The following EYA1 variants were observed in gnomAD, a reference collection of about 807,000 sequenced individuals.
EYA1 encodes the protein EYA transcriptional coactivator and phosphatase 1, also known as protein phosphatase EYA1.
A neutral mutation model predicts 82.0 loss-of-function variants in EYA1; 16 were observed. That is an observed-to-expected ratio of 0.20 (90% CI 0.13 to 0.30). The LOEUF (loss-of-function observed/expected upper bound fraction) is 0.30. Ranked by LOEUF, EYA1 falls within the 10% of genes least tolerant of loss-of-function variation. EYA1 has a pLI of 1.00. For missense variants in EYA1, 633 were observed against 730.7 expected, an observed-to-expected ratio of 0.87 and a Z score of 1.54; for synonymous variants, 261 against 264.4, an observed-to-expected ratio of 0.99 and a Z score of 0.12.
At chr8:71,391,759 C>A (rs756806111) in intron 2 of EYA1, among the ~76,000 whole-genome samples, 8 of 152,300 alleles carry the variant, frequency 5.3e-5, no homozygotes, top group Admixed American at 2.6e-4. Flanking sequence ...AGAGGTTAGT[C>A]TGGGACTTGG....
chr8:71,509,879 T>C (rs1812466539), intron 2 of EYA1, among the ~76,000 whole-genome samples: 1 of 152,034 alleles, frequency 6.6e-6, no homozygotes, highest in Admixed American at 6.6e-5. Context: ...GCCAATACTT[T>C]AAATAGTGCA....
intron 2 of EYA1, among the ~76,000 whole-genome samples, chr8:71,495,758 T>A (rs1811365536): frequency 6.6e-6 from 1 of 152,170 alleles, no homozygotes; most frequent in African/African-American, 2.4e-5. Flanking sequence ...AGTCCACCTC[T>A]CCTCCACCAA....
At chr8:71,547,325 C>T (rs1815711669) in intron 1 of EYA1, among the ~76,000 whole-genome samples, 1 of 152,184 alleles carries the variant, frequency 6.6e-6, no homozygotes, top group Non-Finnish European at 1.5e-5. Context: ...GAGGACCCTC[C>T]CCTCCGTCCC....
chr8:71,458,046 C>T (rs889444515), intron 2 of EYA1, among the ~76,000 whole-genome samples: 27 of 151,812 alleles, frequency 1.8e-4, no homozygotes, highest in Middle Eastern at 3.2e-3. Flanking sequence ...GTAGAGAGAG[C>T]GAATATCTTG....
intron 4 of EYA1, among the ~76,000 whole-genome samples, chr8:71,329,957 T>A (rs1158521729): frequency 1.3e-5 from 2 of 151,890 alleles, no homozygotes; most frequent in African/African-American, 4.8e-5. Context: ...TGGGCCTCGA[T>A]GAGGTGAGAT....
chr8:71,260,269 T>C (rs1395372476), intron 11 of EYA1, among the ~76,000 whole-genome samples: 2 of 152,232 alleles, frequency 1.3e-5, no homozygotes, highest in African/African-American at 4.8e-5. Flanking sequence ...ACTATTTTAA[T>C]GGCTAAGTCA....
chr8:71,213,852 T>C (rs889060614), intron 16 of EYA1, among the ~76,000 whole-genome samples: 9 of 152,312 alleles, frequency 5.9e-5, no homozygotes, highest in Admixed American at 3.3e-4. Context: ...TCAAAATAAA[T>C]GGTAATTTAT....
chr8:71,333,844 A>G (rs1586419705), intron 4 of EYA1, among the ~76,000 whole-genome samples: 1 of 152,216 alleles, frequency 6.6e-6, no homozygotes, highest in East Asian at 1.9e-4. Context: ...AGAAAGGAGA[A>G]GAACAACACC....
chr8:71,335,622 A>G (rs1824394840), intron 3 of EYA1, among the ~76,000 whole-genome samples: 1 of 152,162 alleles, frequency 6.6e-6, no homozygotes, highest in Non-Finnish European at 1.5e-5. Context: ...TTGATGCTAA[A>G]AATTCTGACA....
At chr8:71,229,655 T>C (rs1810964039) in intron 12 of EYA1, among the ~76,000 whole-genome samples, 1 of 152,134 alleles carries the variant, frequency 6.6e-6, no homozygotes, top group African/African-American at 2.4e-5. Flanking sequence ...ATAAATAATT[T>C]TGATTATAAA....
intron 2 of EYA1, among the ~76,000 whole-genome samples, chr8:71,495,346 G>A (rs930173328): frequency 1.3e-5 from 2 of 152,174 alleles, no homozygotes; most frequent in Non-Finnish European, 2.9e-5. Flanking sequence ...GGGCACGATG[G>A]CTCACGCCTG....
intron 3 of EYA1, among the ~76,000 whole-genome samples, chr8:71,343,951 C>G (rs1825433627): frequency 6.6e-6 from 1 of 152,078 alleles, no homozygotes; most frequent in Non-Finnish European, 1.5e-5. Context: ...CAGTGAACAC[C>G]TATAAACCTA....
chr8:71,441,057 A>T (rs766021792), intron 2 of EYA1, among the ~76,000 whole-genome samples: 2 of 152,126 alleles, frequency 1.3e-5, no homozygotes, highest in Non-Finnish European at 2.9e-5. Context: ...ACCCAAGTAT[A>T]TGTGCACAAA....
chr8:71,502,846 T>C lies in EYA1; in HGVS notation c.33+32898A>G, dbSNP rs187755231. ...AAACCATCTGGTTAAATTTATCCAATTGCCATTGTTTAACTGAGTATATCT... is the reference window on the plus strand; with the variant it reads ...AAACCATCTGGTTAAATTTATCCAACTGCCATTGTTTAACTGAGTATATCT... On this transcript the variant is annotated intron_variant, in intron 2 of 18. Transcript: ENST00000643681. Among the ~76,000 whole-genome samples, 98 of 152,306 alleles carry C rather than the reference T, an allele frequency of 6.4e-4. 1 individual carries two copies. Among genetic ancestry groups the C allele is most frequent in the Middle Eastern group, 3.4e-3 (1 of 294 alleles).
At chr8:71,217,064 G>T in intron 12 of EYA1, 41 bp from the exon 13 acceptor site, 2 of 1,489,456 alleles carry the variant, frequency 1.3e-6, no homozygotes, top group Non-Finnish European at 9.4e-7. Flanking sequence ...TTTTTTAAGA[G>T]TACCTAATTT....
intron 2 of EYA1, among the ~76,000 whole-genome samples, chr8:71,379,819 A>C (rs566136329): frequency 7.1e-6 from 1 of 141,396 alleles, no homozygotes; most frequent in Non-Finnish European, 1.6e-5. Context: ...GGCATAAGCA[A>C]CTCCATCTTA....
upstream of EYA1, chr8:71,362,163 T>TC: frequency 3.1e-6 from 3 of 974,428 alleles, no homozygotes; most frequent in Non-Finnish European, 3.6e-6. Context: ...TTCTTTTTTT[T>TC]TTTTTTTTTT....
intron 12 of EYA1, among the ~76,000 whole-genome samples, chr8:71,236,810 T>C (rs1811892832): frequency 6.6e-6 from 1 of 151,074 alleles, no homozygotes; most frequent in Admixed American, 6.6e-5. Flanking sequence ...CTTATTGCTA[T>C]TATCTTAATT....
intron 2 of EYA1, among the ~76,000 whole-genome samples, chr8:71,447,082 TTATA>T (rs5892279): frequency 0.046 from 6,691 of 144,804 alleles, 502 homozygotes; most frequent in African/African-American, 0.16. Context: ...TTGATAATCT[TTATA>T]TATATATATA....
Sources: gnomAD v4.1 joint callset for allele counts (sites outside exome capture counted in the v4.1 genomes callset) on GRCh38, gnomAD v4.1.1 for gene constraint, MANE v1.5 for transcripts, NCBI Gene and HGNC (gene_info 2026-07-23, HGNC 2026-07-21) for gene names.